FUT8: variants seen among roughly 807,000 people sequenced by gnomAD.
FUT8 encodes the protein fucosyltransferase 8.
A neutral mutation model predicts 71.3 loss-of-function variants in FUT8; 29 were observed. The ratio of observed to expected loss-of-function variants is 0.41; its 90% CI spans 0.30 to 0.55. The LOEUF is 0.55. FUT8 is among the 20% of genes least tolerant of loss of function. The probability of loss-of-function intolerance (pLI) is 0.34; values close to 1 mark genes in which losing one functional copy is unlikely to be tolerated. For missense variants in FUT8, 544 were observed against 702.1 expected (o/e 0.77, Z 2.55); for synonymous variants, 254 against 239.3 (o/e 1.06, Z -0.57).
At position 65,522,834 on chromosome 14, in the gene FUT8, G is replaced by A. The variant is rs1183078050; in HGVS notation, c.-227-38503G>A. Among the ~76,000 whole-genome samples the A allele has an allele frequency of 8.7e-5, 13 of 149,726 alleles. No homozygotes were observed. The Admixed American group carries it at 8.9e-4, about 10-fold the overall frequency. ...GAGAACATGTGGTATTTGGTTTACT[G>A]TCCTTGCGATAGTTTGCTCAGAATG... On this transcript the variant is annotated intron_variant, in intron 2 of 10. Transcript: ENST00000673929.
chr14:65,434,711 T>TA (rs1741273590), intron 1 of FUT8, among the ~76,000 whole-genome samples: 2 of 152,328 alleles, frequency 1.3e-5, no homozygotes, highest in South Asian at 4.1e-4. Context: ...ATTTTATCTT[T>TA]ACAGCTCAGT....
chr14:65,358,149 G>A, the FUT8 span, among the ~76,000 whole-genome samples: 4,686 of 152,230 alleles, frequency 0.031, 178 homozygotes, highest in African/African-American at 0.089. Context: ...AACTAGTAAC[G>A]ATGCAGTCTA....
At chr14:65,723,049 C>T (rs144167425) in intron 8 of FUT8, among the ~76,000 whole-genome samples, 21 of 151,808 alleles carry the variant, frequency 1.4e-4, no homozygotes, top group Non-Finnish European at 2.8e-4. Context: ...CATAGTGGCT[C>T]ATGCCTGTAA....
intron 7 of FUT8, among the ~76,000 whole-genome samples, chr14:65,706,380 C>T (rs561856167): frequency 2.6e-5 from 4 of 152,252 alleles, no homozygotes; most frequent in South Asian, 2.1e-4. Flanking sequence ...GCTCCAGCCT[C>T]CAGCAAGACT....
chr14:65,390,541 C>A, the FUT8 span, among the ~76,000 whole-genome samples: 1 of 151,624 alleles, frequency 6.6e-6, no homozygotes, highest in Non-Finnish European at 1.5e-5. Context: ...CATAAATTGA[C>A]TTTTTTCAAT....
intron 1 of FUT8, among the ~76,000 whole-genome samples, chr14:65,416,815 A>G (rs1021137315): frequency 7.7e-5 from 9 of 116,750 alleles, no homozygotes; most frequent in South Asian, 2.6e-4. Flanking sequence ...TTGTCTCTCT[A>G]TGTTGCCCAG....
chr14:65,698,615 G>A (rs1057467628), intron 7 of FUT8, among the ~76,000 whole-genome samples: 2 of 152,110 alleles, frequency 1.3e-5, no homozygotes, highest in Non-Finnish European at 2.9e-5. Flanking sequence ...TTAACGTTTT[G>A]CATCGTAAAG....
the FUT8 span, among the ~76,000 whole-genome samples, chr14:65,383,098 C>G: frequency 6.6e-6 from 1 of 152,170 alleles, no homozygotes; most frequent in East Asian, 1.9e-4. Flanking sequence ...CCAACCAACG[C>G]CCCATTTTAG....
chr14:65,666,323 A>G (rs1197183348), intron 6 of FUT8, among the ~76,000 whole-genome samples: 2 of 152,010 alleles, frequency 1.3e-5, no homozygotes, highest in African/African-American at 4.8e-5. Context: ...GGTACTTGTC[A>G]CCTGTAAAGA....
intron 2 of FUT8, among the ~76,000 whole-genome samples, chr14:65,493,316 T>C (rs1057464012): frequency 6.6e-6 from 1 of 152,230 alleles, no homozygotes; most frequent in East Asian, 1.9e-4. Flanking sequence ...CACTTTATTA[T>C]GGGCTCCAGT....
chr14:65,536,961 T>A (rs1359360200), intron 2 of FUT8, among the ~76,000 whole-genome samples: 3 of 125,678 alleles, frequency 2.4e-5, no homozygotes, highest in African/African-American at 5.9e-5. Context: ...GTTCTTCATC[T>A]TCTTCTTCTT....
chr14:65,571,972 CTCTTAGTGAATTTGGATTCAAGA>C lies in FUT8; in HGVS notation c.203+10208_203+10230del, dbSNP rs201441600. On this transcript the variant is annotated intron_variant, in intron 3 of 10. Coordinates refer to ENST00000673929, the MANE Select transcript of FUT8 (RefSeq NM_001371533.1). ...AAAATAGTCTTTATAAAATAGCAGACTCTTAGTGAATTTGGATTCAAGATTTAACAATCCACTTTGCCCATAGT... is the reference window on the plus strand; with the variant it reads ...AAAATAGTCTTTATAAAATAGCAGACTTTAACAATCCACTTTGCCCATAGT... Among the ~76,000 whole-genome samples the C allele has an allele frequency of 3.1e-3, 469 of 152,242 alleles. 3 individuals are homozygous for C. In the East Asian group the frequency reaches 0.035, roughly 12 times the overall value.
At chr14:65,520,406 T>C in intron 2 of FUT8, among the ~76,000 whole-genome samples, 1 of 152,158 alleles carries the variant, frequency 6.6e-6, no homozygotes, top group Admixed American at 6.5e-5. Flanking sequence ...AGAGAAGACA[T>C]GTTCTTTGGG....
intron 2 of FUT8, among the ~76,000 whole-genome samples, chr14:65,520,694 CTA>C (rs1883023985): frequency 6.6e-6 from 1 of 151,818 alleles, no homozygotes; most frequent in Non-Finnish European, 1.5e-5. Context: ...AGTTTGAAAA[CTA>C]TGTCTATGGT....
In FUT8 at chr14:65,669,573, T is replaced by A; in HGVS notation, c.835+93T>A. The A allele has an allele frequency of 1.2e-6, 1 of 815,732 alleles. No individual in the cohort carries two copies. The highest frequency in any genetic ancestry group is 2.1e-6 in the Non-Finnish European group (1 of 487,586). The allele number at this position is 815,732 out of a possible 1,614,324, so 50.5% of individuals were successfully genotyped here. A position where few individuals can be genotyped will look rare whatever the true frequency, so the allele number is the denominator to read the frequency against. On this transcript the variant is annotated intron_variant, in intron 7 of 10. Coordinates refer to ENST00000673929, the MANE Select transcript of FUT8 (RefSeq NM_001371533.1). The surrounding 1 kb of genome is among the most constrained non-coding windows in gnomAD (Gnocchi z 4.5). ...TAGGTAGACCTTCATGGAACATACT[T>A]ATCTTTTCCTCTGGATCCATGAATA...
intron 2 of FUT8, among the ~76,000 whole-genome samples, chr14:65,515,268 G>A (rs1040789068): frequency 1.3e-5 from 2 of 151,978 alleles, no homozygotes; most frequent in African/African-American, 2.4e-5. Flanking sequence ...TATACTAAGG[G>A]AAAGTAAGTC....
At chr14:65,562,183 A>G (rs1885949600) in intron 3 of FUT8, among the ~76,000 whole-genome samples, 1 of 152,120 alleles carries the variant, frequency 6.6e-6, no homozygotes, top group Non-Finnish European at 1.5e-5. Context: ...TTTAATGTAG[A>G]AAAACTATGC....
chr14:65,367,941 T>G, the FUT8 span, among the ~76,000 whole-genome samples: 1 of 152,048 alleles, frequency 6.6e-6, no homozygotes. Flanking sequence ...GAAAAGAAAG[T>G]ATCTTTATAG....
At chr14:65,410,135 C>G (rs1016599538), upstream of FUT8, among the ~76,000 whole-genome samples, 2 of 152,262 alleles carry the variant, frequency 1.3e-5, no homozygotes, top group African/African-American at 4.8e-5. Flanking sequence ...AGAATTTAAC[C>G]TGGCAAGAGA....
Sources: allele counts gnomAD v4.1 joint callset (sites outside exome capture counted in the v4.1 genomes callset), GRCh38; gene constraint gnomAD v4.1.1; non-coding constraint Gnocchi (gnomAD v3.1); transcripts MANE v1.5; gene names NCBI Gene and HGNC (gene_info 2026-07-23, HGNC 2026-07-21).